Variants in LRP1B observed in about 807,000 individuals in gnomAD.
The protein encoded by LRP1B is LDL receptor related protein 1B.
A neutral mutation model predicts 556.6 loss-of-function variants in LRP1B; 217 were observed. That is an observed-to-expected ratio of 0.39 (90% CI 0.35 to 0.44). The LOEUF is 0.44. Ranked by LOEUF, LRP1B falls within the 20% of genes least tolerant of loss-of-function variation. The pLI is 1.00. For synonymous variants in LRP1B, 2,047 were observed against 1,865.8 expected (o/e 1.10, Z -2.50); for missense variants, 5,053 against 5,620.8 (o/e 0.90, Z 3.23).
intron 32 of LRP1B, among the ~76,000 whole-genome samples, chr2:140,813,013 T>TA (rs1255059096): frequency 6.6e-6 from 1 of 152,158 alleles, no homozygotes; most frequent in Non-Finnish European, 1.5e-5. Flanking sequence ...AACTGAAACT[T>TA]ACATTTCAAA....
At chr2:141,891,233 G>A (rs1159959018) in intron 1 of LRP1B, among the ~76,000 whole-genome samples, 1 of 152,102 alleles carries the variant, frequency 6.6e-6, no homozygotes, top group Non-Finnish European at 1.5e-5. Context: ...AAAAAGCAGA[G>A]AGAGAGAAGG....
At chr2:141,624,031 T>TAAAAAAAA (rs1559185670) in intron 2 of LRP1B, among the ~76,000 whole-genome samples, 4 of 12,216 alleles carry the variant, frequency 3.3e-4, no homozygotes, top group African/African-American at 5.3e-4. Flanking sequence ...AAAAAAAAAA[T>TAAAAAAAA]TAAACAAAAA....
At chr2:141,686,011 A>G (rs1170257392) in intron 2 of LRP1B, among the ~76,000 whole-genome samples, 6 of 152,086 alleles carry the variant, frequency 3.9e-5, no homozygotes, top group African/African-American at 1.4e-4. Context: ...TGGAAAACAA[A>G]TGTAGAATAA....
chr2:141,762,613 G>A (rs1189624039), intron 2 of LRP1B, among the ~76,000 whole-genome samples: 3 of 152,112 alleles, frequency 2.0e-5, no homozygotes, highest in African/African-American at 7.2e-5. Flanking sequence ...GATGTTGTAA[G>A]GGAGATAATG....
chr2:140,962,886 T>C (rs1468847988), intron 18 of LRP1B, among the ~76,000 whole-genome samples: 3 of 152,178 alleles, frequency 2.0e-5, no homozygotes, highest in Non-Finnish European at 4.4e-5. Context: ...CTGCTATGGC[T>C]ACACAGCAAA....
chr2:141,212,576 G>C (rs139278953), intron 6 of LRP1B, among the ~76,000 whole-genome samples: 1,602 of 151,582 alleles, frequency 0.011, 13 homozygotes, highest in Middle Eastern at 0.027. Flanking sequence ...GAGCGACCAT[G>C]CCGGCCAAAA....
chr2:141,472,595 A>T (rs994366142), intron 3 of LRP1B, among the ~76,000 whole-genome samples: 4 of 152,182 alleles, frequency 2.6e-5, no homozygotes, highest in African/African-American at 9.7e-5. Flanking sequence ...AGTATATTGC[A>T]GCAACAAATG....
chr2:141,868,944 A>G (rs1008319608), intron 1 of LRP1B, among the ~76,000 whole-genome samples: 1 of 152,168 alleles, frequency 6.6e-6, no homozygotes, highest in Non-Finnish European at 1.5e-5. Context: ...CCTAACTTTA[A>G]ATGTAAAGAC....
intron 1 of LRP1B, among the ~76,000 whole-genome samples, chr2:142,010,011 G>T (rs375454939): frequency 6.6e-6 from 1 of 152,012 alleles, no homozygotes; most frequent in South Asian, 2.1e-4. Flanking sequence ...TATAGGTATA[G>T]ATATAGATAT....
intron 43 of LRP1B, among the ~76,000 whole-genome samples, chr2:140,546,620 T>C (rs111953245): frequency 0.028 from 4,260 of 152,106 alleles, 69 homozygotes; most frequent in African/African-American, 0.042. Context: ...GAGGTAACCA[T>C]CCTCATGATT....
intron 3 of LRP1B, among the ~76,000 whole-genome samples, chr2:141,389,496 G>A (rs1689966031): frequency 6.6e-6 from 1 of 152,008 alleles, no homozygotes; most frequent in Non-Finnish European, 1.5e-5. Context: ...GTTAAACATA[G>A]GGAGAGCTAA....
At chr2:141,814,765 A>T (rs1696474894) in intron 1 of LRP1B, among the ~76,000 whole-genome samples, 1 of 152,200 alleles carries the variant, frequency 6.6e-6, no homozygotes, top group South Asian at 2.1e-4. Context: ...ACTGGGTAAA[A>T]CTGGAAACAA....
chr2:141,624,337 T>G (rs1261119809), intron 2 of LRP1B, among the ~76,000 whole-genome samples: 1 of 152,092 alleles, frequency 6.6e-6, no homozygotes, highest in South Asian at 2.1e-4. Context: ...TTATACACGG[T>G]GAGAATGATG....
At chr2:141,493,792 T>C (rs139643526) in intron 2 of LRP1B, among the ~76,000 whole-genome samples, 2 of 152,166 alleles carry the variant, frequency 1.3e-5, no homozygotes, top group Non-Finnish European at 1.5e-5. Context: ...TTAAACTGCA[T>C]AGAGGAACTG....
chr2:140,389,670 C>G (rs114759563), intron 66 of LRP1B, among the ~76,000 whole-genome samples: 2,862 of 148,584 alleles, frequency 0.019, 34 homozygotes, highest in Non-Finnish European at 0.028. Flanking sequence ...GATTAGAAAA[C>G]TGAAAATGTT....
intron 11 of LRP1B, among the ~76,000 whole-genome samples, chr2:141,025,252 T>C (rs1443357692): frequency 6.6e-6 from 1 of 152,034 alleles, no homozygotes; most frequent in African/African-American, 2.4e-5. Flanking sequence ...TGCAGATAGA[T>C]AGAGCAAACA....
intron 35 of LRP1B, among the ~76,000 whole-genome samples, chr2:140,741,956 C>T (rs962123402): frequency 6.6e-6 from 1 of 152,142 alleles, no homozygotes; most frequent in African/African-American, 2.4e-5. Context: ...TTTGTTATGG[C>T]TGCATCATAT....
chr2:141,456,143 A>G (rs1297138868), intron 3 of LRP1B, among the ~76,000 whole-genome samples: 1 of 152,224 alleles, frequency 6.6e-6, no homozygotes, highest in East Asian at 1.9e-4. Context: ...CACCAGTACT[A>G]TAGCGTTTTC....
chr2:141,550,786 CAAT>C (rs1685723160), intron 2 of LRP1B, among the ~76,000 whole-genome samples: 1 of 152,042 alleles, frequency 6.6e-6, no homozygotes, highest in Non-Finnish European at 1.5e-5. Flanking sequence ...CTACCTTCCC[CAAT>C]GTTTTCCTGT....
Sources: allele counts gnomAD v4.1 joint callset (sites outside exome capture counted in the v4.1 genomes callset), GRCh38; gene constraint gnomAD v4.1.1; transcripts MANE v1.5; gene names NCBI Gene and HGNC (gene_info 2026-07-23, HGNC 2026-07-21).